Variants in HECW2 observed in about 807,000 individuals in gnomAD.
HECW2 encodes HECT, C2 and WW domain containing E3 ubiquitin protein ligase 2, also known as E3 ubiquitin-protein ligase HECW2.
HECW2 carries 61 observed loss-of-function variants against 175.2 expected under a neutral mutation model. The observed-to-expected ratio is 0.35, with a 90% CI of 0.28 to 0.43. The LOEUF (loss-of-function observed/expected upper bound fraction) is 0.43, where lower values mean the gene tolerates loss of function less well. Ranked by LOEUF, HECW2 falls within the 20% of genes least tolerant of loss-of-function variation. The pLI is 1.00. For synonymous variants in HECW2, 671 were observed against 731.0 expected (o/e 0.92, Z 1.32); for missense variants, 1,524 against 2,000.5 (o/e 0.76, Z 4.54).
chr2:196,577,881 C>A (rs11891447), intron 1 of HECW2, among the ~76,000 whole-genome samples: 28,789 of 152,058 alleles, frequency 0.19, 3,115 homozygotes, highest in African/African-American at 0.3. Context: ...ACAACAACAA[C>A]GAGCAACAAT....
In HECW2 at chr2:196,200,205, G is replaced by A. The variant is rs1686811003; in HGVS notation, c.*1072C>T. ...TCCTTGTAGTGGTAGACACGGCACT[G>A]TGAAGGAAGTTTGATTTAGAAGCTA... On this transcript the variant is annotated 3_prime_UTR_variant, in exon 29 of 29. Coordinates refer to ENST00000644978, the MANE Select transcript of HECW2 (RefSeq NM_001348768.2). 6.6e-6 allele frequency: 1 copy of A among 152,606 alleles called. No individual in the cohort carries two copies. Among genetic ancestry groups the A allele is most frequent in the African/African-American group, 2.4e-5 (1 of 41,454 alleles). The allele number at this position is 152,606 out of a possible 1,614,324, so 9.5% of individuals were successfully genotyped here. A position where few individuals can be genotyped will look rare whatever the true frequency, so the allele number is the denominator to read the frequency against.
chr2:196,521,745 T>C (rs1423927679), intron 1 of HECW2, among the ~76,000 whole-genome samples: 1 of 150,004 alleles, frequency 6.7e-6, no homozygotes, highest in Non-Finnish European at 1.5e-5. Context: ...TGGTTTTTTG[T>C]TCTTGTGATA....
intron 1 of HECW2, among the ~76,000 whole-genome samples, chr2:196,563,293 C>T (rs1012013461): frequency 1.3e-5 from 2 of 151,808 alleles, no homozygotes; most frequent in African/African-American, 2.4e-5. Flanking sequence ...TGGCTGGGCA[C>T]GGTGGCTCAC....
intron 2 of HECW2, among the ~76,000 whole-genome samples, chr2:196,376,754 T>C (rs1694063175): frequency 6.6e-6 from 1 of 151,088 alleles, no homozygotes; most frequent in South Asian, 2.1e-4. Flanking sequence ...ACCAATACGA[T>C]GAAACCCCGT....
intron 1 of HECW2, among the ~76,000 whole-genome samples, chr2:196,456,974 T>G (rs771283356): frequency 6.6e-6 from 1 of 152,212 alleles, no homozygotes; most frequent in Admixed American, 6.5e-5. Flanking sequence ...ATAAGTTTAT[T>G]GCTTCATATA....
intron 5 of HECW2, among the ~76,000 whole-genome samples, chr2:196,328,381 C>T (rs891218593): frequency 6.6e-6 from 1 of 152,124 alleles, no homozygotes; most frequent in Admixed American, 6.6e-5. Flanking sequence ...CAAATTTGAA[C>T]CATAAGTCAC....
rs776657949 is a variant in HECW2, at chr2:196,319,621, G to T, written c.1269C>A (p.Ile423=). The T allele has an allele frequency of 1.9e-6, 3 of 1,614,238 alleles. No homozygotes were observed. Among genetic ancestry groups the T allele is most frequent in the African/African-American group, 1.3e-5 (1 of 75,056 alleles). The change falls in exon 9 of 29, where the codon ATC becomes ATA. Residue 423 remains isoleucine, a synonymous_variant. Coordinates refer to ENST00000644978, the MANE Select transcript of HECW2 (RefSeq NM_001348768.2). ...QDSLNDYLDA[I]EHNGHSRPGT... Reference sequence around the variant, plus strand: ...CCGGCCTGGAGTGGCCATTGTGTTCGATAGCATCTAAGTAATCATTGAGTG... The same window carrying T: ...CCGGCCTGGAGTGGCCATTGTGTTCTATAGCATCTAAGTAATCATTGAGTG...
chr2:196,368,359 A>T (rs1575468973), intron 2 of HECW2, among the ~76,000 whole-genome samples: 2 of 152,248 alleles, frequency 1.3e-5, no homozygotes, highest in Middle Eastern at 3.4e-3. Flanking sequence ...GATATATTGG[A>T]AGTCCATTGT....
intron 2 of HECW2, among the ~76,000 whole-genome samples, chr2:196,358,301 C>T (rs1450331210): frequency 6.6e-6 from 1 of 152,032 alleles, no homozygotes; most frequent in Admixed American, 6.5e-5. Context: ...GGACCGGGCA[C>T]GGTGGCTCAT....
chr2:196,454,980 G>A (rs972628485), intron 1 of HECW2, among the ~76,000 whole-genome samples: 4 of 152,050 alleles, frequency 2.6e-5, no homozygotes, highest in South Asian at 2.1e-4. Flanking sequence ...CTCATGTTTC[G>A]GTTTAATCTG....
At chr2:196,255,025 C>T (rs182890440) in intron 18 of HECW2, among the ~76,000 whole-genome samples, 221 of 148,598 alleles carry the variant, frequency 1.5e-3, no homozygotes, top group African/African-American at 4.9e-3. Context: ...ATGGCTGGAG[C>T]GCAGTGGCAC....
rs150486303 is a variant in HECW2, at chr2:196,213,163, C to T, written c.4607+2702G>A. The stretch of plus-strand genomic sequence containing the variant: ...TGTTGTCAATGAAGAAGTTGCTTCT[C>T]ATATAACTATACTGTCATGCAATTA... On this transcript the variant is annotated intron_variant, in intron 28 of 28. Coordinates refer to ENST00000644978, the MANE Select transcript of HECW2 (RefSeq NM_001348768.2). 3.5e-3 allele frequency among the ~76,000 whole-genome samples: 528 copies of T among 152,302 alleles called. 6 individuals are homozygous for T. Among genetic ancestry groups the T allele is most frequent in the East Asian group, 5.2e-3 (27 of 5,186 alleles).
chr2:196,390,762 A>G (rs6735220), intron 2 of HECW2, among the ~76,000 whole-genome samples: 111,799 of 152,120 alleles, frequency 0.73, 43,218 homozygotes, highest in East Asian at 0.94. Context: ...ACATGTCACC[A>G]TAAGAAATAA....
chr2:196,385,617 T>A (rs1694323848), intron 2 of HECW2, among the ~76,000 whole-genome samples: 1 of 152,190 alleles, frequency 6.6e-6, no homozygotes, highest in African/African-American at 2.4e-5. Context: ...ACTTTTGTGA[T>A]CTGAAGCTAG....
intron 14 of HECW2, among the ~76,000 whole-genome samples, chr2:196,283,150 T>C (rs1385466249): frequency 6.7e-6 from 1 of 148,622 alleles, no homozygotes; most frequent in Non-Finnish European, 1.5e-5. Context: ...TAGTCCCAGC[T>C]ACTCGGGAGG....
At chr2:196,585,620 T>C (rs1690945641) in intron 1 of HECW2, among the ~76,000 whole-genome samples, 1 of 152,006 alleles carries the variant, frequency 6.6e-6, no homozygotes, top group South Asian at 2.1e-4. Context: ...GAAGATGAGC[T>C]CTTCTAGCTC....
chr2:196,256,266 A>T (rs1230494157), intron 18 of HECW2, among the ~76,000 whole-genome samples: 1 of 152,182 alleles, frequency 6.6e-6, no homozygotes, highest in Non-Finnish European at 1.5e-5. Flanking sequence ...ATAATTATAG[A>T]ACTATTATAT....
At chr2:196,251,577 A>G (rs1476819354) in intron 19 of HECW2, among the ~76,000 whole-genome samples, 1 of 152,076 alleles carries the variant, frequency 6.6e-6, no homozygotes, top group East Asian at 1.9e-4. Context: ...ACCATTTCCC[A>G]TTCTTGGCAG....
intron 23 of HECW2, 58 bp from the exon 24 acceptor site, chr2:196,222,398 G>A (rs1477119216): frequency 3.3e-6 from 5 of 1,511,708 alleles, no homozygotes; most frequent in Admixed American, 3.7e-5. Flanking sequence ...CAAAAACCCA[G>A]AGTCATAAGG....
Sources: gnomAD v4.1 joint callset for allele counts (sites outside exome capture counted in the v4.1 genomes callset) on GRCh38, gnomAD v4.1.1 for gene constraint, MANE v1.5 for transcripts, NCBI Gene and HGNC (gene_info 2026-07-23, HGNC 2026-07-21) for gene names.